The following LHFPL3 variants were observed in gnomAD, a reference collection of about 807,000 sequenced individuals.
LHFPL3 encodes the protein LHFPL tetraspan subfamily member 3 protein.
In LHFPL3, 5 loss-of-function variants were observed where a neutral mutation model predicts 19.3. The observed-to-expected ratio is 0.26, with a 90% confidence interval of 0.14 to 0.54. LHFPL3 has a LOEUF of 0.54. Ranked by LOEUF, LHFPL3 falls within the 20% of genes least tolerant of loss-of-function variation. LHFPL3 has a pLI of 0.94. For synonymous variants in LHFPL3, 133 were observed against 126.2 expected (o/e 1.05, Z -0.36); for missense variants, 249 against 307.4 (o/e 0.81, Z 1.42).
At chr7:104,396,386 AG>A (rs911179224) in intron 1 of LHFPL3, among the ~76,000 whole-genome samples, 2 of 152,164 alleles carry the variant, frequency 1.3e-5, no homozygotes, top group Admixed American at 1.3e-4. Flanking sequence ...CCAGAGATGA[AG>A]GTCTCCAGAG....
chr7:104,401,520 A>G (rs73179925), intron 1 of LHFPL3, among the ~76,000 whole-genome samples: 1,832 of 152,366 alleles, frequency 0.012, 12 homozygotes, highest in Non-Finnish European at 0.019. Context: ...AGAGAAAAAA[A>G]TGAACATAAC....
intron 2 of LHFPL3, among the ~76,000 whole-genome samples, chr7:104,745,189 A>T (rs1050228415): frequency 6.6e-6 from 1 of 152,210 alleles, no homozygotes; most frequent in Non-Finnish European, 1.5e-5. Context: ...AATTGTCCGC[A>T]GGAGTCGGCT....
chr7:104,539,683 A>G (rs1351920064), intron 1 of LHFPL3, among the ~76,000 whole-genome samples: 2 of 152,208 alleles, frequency 1.3e-5, no homozygotes, highest in African/African-American at 4.8e-5. Context: ...ATGTTTTCCT[A>G]GAAATGAGAA....
intron 1 of LHFPL3, among the ~76,000 whole-genome samples, chr7:104,617,429 T>C (rs1284260223): frequency 6.6e-6 from 1 of 152,220 alleles, no homozygotes; most frequent in Non-Finnish European, 1.5e-5. Context: ...TACTCTTTTG[T>C]ATATTTAATT....
chr7:104,594,902 T>A (rs201058894), intron 1 of LHFPL3, among the ~76,000 whole-genome samples: 1 of 151,968 alleles, frequency 6.6e-6, no homozygotes, highest in Non-Finnish European at 1.5e-5. Flanking sequence ...TCATTTAAGG[T>A]CTTCCCTACA....
intron 1 of LHFPL3, among the ~76,000 whole-genome samples, chr7:104,724,970 AT>A (rs1198263486): frequency 1.1e-4 from 17 of 152,332 alleles, no homozygotes; most frequent in East Asian, 9.6e-4. Flanking sequence ...CTCTTGCATT[AT>A]TGAAAATAAG....
intron 1 of LHFPL3, among the ~76,000 whole-genome samples, chr7:104,503,892 C>T (rs1020904232): frequency 6.6e-6 from 1 of 152,106 alleles, no homozygotes; most frequent in Non-Finnish European, 1.5e-5. Context: ...TTAAGTCCAC[C>T]CAACATTTAT....
At chr7:104,668,900 T>C in intron 1 of LHFPL3, 1 of 1,612,252 alleles carries the variant, frequency 6.2e-7, no homozygotes, top group Non-Finnish European at 8.5e-7. Flanking sequence ...CAAGAGAAGT[T>C]GCAGCGTCAG....
rs10534227 is a variant in LHFPL3, at chr7:104,860,178, CCACACACA to C, written c.683-45987_683-45980del. The stretch of plus-strand genomic sequence containing the variant: ...CAAATACACACACACATACACCCAC[CCACACACA>C]CACACACACACACACACACACGCAT... On this transcript the variant is annotated intron_variant, in intron 2 of 2. Coordinates refer to ENST00000424859, the MANE Select transcript of LHFPL3 (RefSeq NM_199000.3). 9.3e-3 allele frequency among the ~76,000 whole-genome samples: 1,195 copies of C among 128,958 alleles called. 5 individuals are homozygous for C. The highest frequency in any genetic ancestry group is 0.016 in the Non-Finnish European group (880 of 56,730). 84.6% of individuals were successfully genotyped at this position (128,958 alleles called of 152,430 possible).
intron 1 of LHFPL3, among the ~76,000 whole-genome samples, chr7:104,360,244 A>G (rs1038912612): frequency 2.6e-5 from 4 of 152,166 alleles, no homozygotes; most frequent in Admixed American, 2.0e-4. Context: ...CTCTCCAAAA[A>G]CACAGCTCAT....
chr7:104,383,083 C>A (rs1790860236), intron 1 of LHFPL3, among the ~76,000 whole-genome samples: 1 of 152,230 alleles, frequency 6.6e-6, no homozygotes, highest in African/African-American at 2.4e-5. Context: ...TTTTCCTGGC[C>A]ACCATGCCGT....
intron 2 of LHFPL3, chr7:104,845,397 A>G: frequency 6.5e-7 from 1 of 1,534,776 alleles, no homozygotes; most frequent in Admixed American, 2.0e-5. Flanking sequence ...GGAAATGCTT[A>G]AGGCAAACTA....
chr7:104,681,444 G>C (rs1792700660), intron 1 of LHFPL3, among the ~76,000 whole-genome samples: 1 of 152,074 alleles, frequency 6.6e-6, no homozygotes, highest in Non-Finnish European at 1.5e-5. Flanking sequence ...CCAACATGAT[G>C]AAACCCCGTC....
At chr7:104,594,851 C>A (rs1790807845) in intron 1 of LHFPL3, among the ~76,000 whole-genome samples, 1 of 152,184 alleles carries the variant, frequency 6.6e-6, no homozygotes, top group African/African-American at 2.4e-5. Context: ...CTTGTGCATG[C>A]ATCACGAAGT....
rs1257846731 is a variant in LHFPL3, at chr7:104,833,053, T to TATAG, written c.683-73132_683-73131insAGAT. On this transcript the variant is annotated intron_variant, in intron 2 of 2. Transcript: ENST00000424859. ...ATATTATATATATATATTATATATA[T>TATAG]ATTATATATAATATATATATTATAT... is the stretch of plus-strand genomic sequence containing the variant. 1.2e-3 allele frequency among the ~76,000 whole-genome samples: 4 copies of TATAG among 3,212 alleles called. 1 individual carries two copies. The highest frequency in any genetic ancestry group is 5.1e-3 in the African/African-American group (4 of 782). 2.1% of individuals were successfully genotyped at this position (3,212 alleles called of 152,430 possible). A position where few individuals can be genotyped will look rare whatever the true frequency, so the allele number is the denominator to read the frequency against.
chr7:104,496,559 G>A (rs568047721), intron 1 of LHFPL3, among the ~76,000 whole-genome samples: 194 of 152,124 alleles, frequency 1.3e-3, no homozygotes, highest in Non-Finnish European at 7.2e-4. Flanking sequence ...ACTTCCACAA[G>A]GGTTGAACTA....
chr7:104,478,100 C>G (rs1793060048), intron 1 of LHFPL3, among the ~76,000 whole-genome samples: 2 of 152,008 alleles, frequency 1.3e-5, no homozygotes, highest in African/African-American at 2.4e-5. Flanking sequence ...TGTTTTTATC[C>G]TTAATTTTTT....
intron 1 of LHFPL3, among the ~76,000 whole-genome samples, chr7:104,533,327 C>G (rs144593334): frequency 8.3e-4 from 126 of 152,122 alleles, no homozygotes; most frequent in Middle Eastern, 3.4e-3. Context: ...AGGTTTTTTC[C>G]TTCATCCACA....
chr7:104,835,737 T>A lies in LHFPL3; in HGVS notation c.683-70450T>A, dbSNP rs77956832. ...CATGATGTATTTGACCATTGTTTCA[T>A]ATTGATCTACACGTTAAATTATTAT... is the stretch of plus-strand genomic sequence containing the variant. On this transcript the variant is annotated intron_variant, in intron 2 of 2. Transcript: ENST00000424859. 1.7e-4 allele frequency among the ~76,000 whole-genome samples: 24 copies of A among 144,874 alleles called. No homozygotes were observed. In the East Asian group the frequency reaches 4.4e-3, roughly 26 times the overall value.
Sources: gnomAD v4.1 joint callset for allele counts (sites outside exome capture counted in the v4.1 genomes callset) on GRCh38, gnomAD v4.1.1 for gene constraint, MANE v1.5 for transcripts, NCBI Gene and HGNC (gene_info 2026-07-23, HGNC 2026-07-21) for gene names.